The following INPP4B variants were observed in gnomAD, a reference collection of about 807,000 sequenced individuals.
INPP4B encodes inositol polyphosphate-4-phosphatase type II B, also known as inositol polyphosphate 4-phosphatase type II.
Under a neutral mutation model 122.5 loss-of-function variants are expected in INPP4B, and 55 were observed. That is an observed-to-expected ratio of 0.45 (90% CI 0.36 to 0.56). INPP4B has a LOEUF of 0.56. Ranked by LOEUF, INPP4B falls within the 20% of genes least tolerant of loss-of-function variation. INPP4B has a pLI of 0.00. For synonymous variants in INPP4B, 403 were observed against 388.7 expected (o/e 1.04, Z -0.43); for missense variants, 1,000 against 1,097.7 (o/e 0.91, Z 1.26).
At chr4:142,643,905 A>G (rs1472967457) in intron 2 of INPP4B, among the ~76,000 whole-genome samples, 1 of 152,188 alleles carries the variant, frequency 6.6e-6, no homozygotes, top group Non-Finnish European at 1.5e-5. Flanking sequence ...AACTCCCCGC[A>G]TAAGAATATC....
At chr4:142,240,646 T>A (rs2150013309) in intron 11 of INPP4B, among the ~76,000 whole-genome samples, 1 of 152,316 alleles carries the variant, frequency 6.6e-6, no homozygotes, top group Admixed American at 6.5e-5. Context: ...AAATTGCGTA[T>A]CTTTATCATT....
intron 2 of INPP4B, among the ~76,000 whole-genome samples, chr4:142,532,177 CCA>C (rs1258330806): frequency 6.6e-6 from 1 of 152,146 alleles, no homozygotes. Flanking sequence ...TCAAAGGATT[CCA>C]GTTGTTCCTA....
intron 2 of INPP4B, among the ~76,000 whole-genome samples, chr4:142,530,871 G>C (rs1033253021): frequency 6.6e-6 from 1 of 151,992 alleles, no homozygotes; most frequent in African/African-American, 2.4e-5. Context: ...AGGGGAGGAG[G>C]GGAGGAGGAG....
intron 25 of INPP4B, among the ~76,000 whole-genome samples, chr4:142,069,764 C>A (rs772439354): frequency 2.0e-5 from 3 of 152,158 alleles, no homozygotes; most frequent in African/African-American, 7.2e-5. Context: ...GACACATTCA[C>A]CATCCCAAGA....
At chr4:142,323,714 G>A (rs1197228278) in intron 7 of INPP4B, among the ~76,000 whole-genome samples, 2 of 151,746 alleles carry the variant, frequency 1.3e-5, no homozygotes, top group Non-Finnish European at 2.9e-5. Flanking sequence ...CAAAGTGCAG[G>A]GATTACAGGC....
intron 9 of INPP4B, among the ~76,000 whole-genome samples, chr4:142,297,285 G>A (rs3102436): frequency 2.0e-5 from 3 of 152,086 alleles, no homozygotes; most frequent in Admixed American, 2.0e-4. Flanking sequence ...AGGTAAGCAC[G>A]CCTTCCTTGG....
Position 142,725,871 on chromosome 4 carries a change from C to G in INPP4B, c.-223G>C. 1 of 397,960 alleles carries G rather than the reference C, an allele frequency of 2.5e-6. No homozygotes were observed. 24.7% of individuals were successfully genotyped at this position (397,960 alleles called of 1,614,324 possible). A position where few individuals can be genotyped will look rare whatever the true frequency, so the allele number is the denominator to read the frequency against. ...TAATTTTTCATAAAAGACAGAAGAC[C>G]TCTTGCCAGGTAACACCATTTCTTT... On this transcript the variant is annotated 5_prime_UTR_variant, in exon 2 of 26. Coordinates refer to ENST00000262992, the MANE Select transcript of INPP4B (RefSeq NM_001101669.3).
At chr4:142,505,869 C>T (rs1264702835) in intron 2 of INPP4B, among the ~76,000 whole-genome samples, 1 of 152,110 alleles carries the variant, frequency 6.6e-6, no homozygotes, top group East Asian at 1.9e-4. Flanking sequence ...TTCTCCTATA[C>T]CCAGATATTG....
chr4:142,734,212 G>A (rs1188367517), intron 1 of INPP4B, among the ~76,000 whole-genome samples: 1 of 152,120 alleles, frequency 6.6e-6, no homozygotes, highest in African/African-American at 2.4e-5. Context: ...AGGCTGTGAG[G>A]GCACAGGAAG....
At chr4:142,808,107 C>A (rs1779076442) in intron 1 of INPP4B, among the ~76,000 whole-genome samples, 1 of 151,718 alleles carries the variant, frequency 6.6e-6, no homozygotes, top group Non-Finnish European at 1.5e-5. Flanking sequence ...ATAAAATACA[C>A]ACACACACAC....
At chr4:142,620,404 C>T (rs1387796583) in intron 2 of INPP4B, among the ~76,000 whole-genome samples, 1 of 151,912 alleles carries the variant, frequency 6.6e-6, no homozygotes, top group Admixed American at 6.6e-5. Context: ...AATGCAGGAA[C>T]AGAAAACCAA....
At chr4:142,785,917 CA>C (rs1389718044) in intron 1 of INPP4B, among the ~76,000 whole-genome samples, 2 of 151,954 alleles carry the variant, frequency 1.3e-5, no homozygotes, top group African/African-American at 4.8e-5. Flanking sequence ...TGGAAGAAGC[CA>C]GGGGGGTTGG....
intron 2 of INPP4B, among the ~76,000 whole-genome samples, chr4:142,590,094 G>A (rs1737102981): frequency 6.6e-6 from 1 of 152,076 alleles, no homozygotes; most frequent in Non-Finnish European, 1.5e-5. Flanking sequence ...TTAGTCGCCA[G>A]GAACTGATGA....
At chr4:142,545,708 T>TACAC (rs1829483740) in intron 2 of INPP4B, among the ~76,000 whole-genome samples, 2 of 123,462 alleles carry the variant, frequency 1.6e-5, no homozygotes, top group Admixed American at 1.7e-4. Context: ...TGTATATATA[T>TACAC]GTGTGTGTAT....
chr4:142,471,973 A>T (rs1249356065), intron 2 of INPP4B, among the ~76,000 whole-genome samples: 1 of 151,744 alleles, frequency 6.6e-6, no homozygotes, highest in Admixed American at 6.6e-5. Context: ...CCTACAAATT[A>T]TTTTTTTTCA....
chr4:142,623,866 G>A (rs926180037), intron 2 of INPP4B, among the ~76,000 whole-genome samples: 15 of 151,486 alleles, frequency 9.9e-5, no homozygotes, highest in Non-Finnish European at 1.9e-4. Flanking sequence ...ATGATTTCCA[G>A]TTTCATCCAT....
intron 1 of INPP4B, among the ~76,000 whole-genome samples, chr4:142,792,227 C>T (rs1776646105): frequency 6.6e-6 from 1 of 151,802 alleles, no homozygotes; most frequent in South Asian, 2.1e-4. Context: ...GCCTGGGCAA[C>T]AGAGTAAGAC....
intron 1 of INPP4B, chr4:142,795,610 G>A (rs919246528): frequency 2.6e-5 from 4 of 151,892 alleles, no homozygotes; most frequent in African/African-American, 7.3e-5. Context: ...TTCCCTTCAC[G>A]AGGCTGTGTG....
chr4:142,207,867 C>G (rs77481247), intron 14 of INPP4B, among the ~76,000 whole-genome samples: 15,238 of 152,142 alleles, frequency 0.1, 859 homozygotes, highest in Middle Eastern at 0.14. Context: ...ATTGGTCACT[C>G]TGGACCACTT....
Sources: gnomAD v4.1 joint callset for allele counts (sites outside exome capture counted in the v4.1 genomes callset) on GRCh38, gnomAD v4.1.1 for gene constraint, MANE v1.5 for transcripts, NCBI Gene and HGNC (gene_info 2026-07-23, HGNC 2026-07-21) for gene names.